TMEM132B: variants seen among roughly 807,000 people sequenced by gnomAD.
TMEM132B encodes transmembrane protein 132B.
A neutral mutation model predicts 90.8 loss-of-function variants in TMEM132B; 18 were observed. That is an observed-to-expected ratio of 0.20 (90% CI 0.14 to 0.29). TMEM132B has a LOEUF of 0.29. TMEM132B is among the 10% of genes least tolerant of loss of function. TMEM132B has a pLI of 1.00. For synonymous variants in TMEM132B, 504 were observed against 523.3 expected (o/e 0.96, Z 0.50); for missense variants, 1,096 against 1,326.8 (o/e 0.83, Z 2.70).
At chr12:125,534,120 G>T (rs1883728672) in intron 4 of TMEM132B, among the ~76,000 whole-genome samples, 1 of 152,138 alleles carries the variant, frequency 6.6e-6, no homozygotes, top group Non-Finnish European at 1.5e-5. Flanking sequence ...TAAGGGCTAG[G>T]TCCTTCCTTT....
intron 3 of TMEM132B, among the ~76,000 whole-genome samples, chr12:125,427,607 A>G (rs376267): frequency 0.99 from 150,222 of 152,342 alleles, 74,102 homozygotes; most frequent in Middle Eastern, 1. Context: ...ACTTTGGTAG[A>G]ATTTTGATAG....
chr12:125,268,610 A>AGT (rs1312218962), intron 1 of TMEM132B, among the ~76,000 whole-genome samples: 1 of 152,188 alleles, frequency 6.6e-6, no homozygotes, highest in Non-Finnish European at 1.5e-5. Flanking sequence ...AAAGTAATAT[A>AGT]GTGTGTGTGT....
chr12:125,505,193 A>AAAAAAAAAAAC (rs1566056628), intron 3 of TMEM132B, among the ~76,000 whole-genome samples: 1 of 145,332 alleles, frequency 6.9e-6, no homozygotes, highest in African/African-American at 2.7e-5. Context: ...AAAAAAAAAA[A>AAAAAAAAAAAC]AACAGTAAGT....
At chr12:125,262,245 CAAAAAA>C (rs11307058) in intron 1 of TMEM132B, among the ~76,000 whole-genome samples, 2 of 84,310 alleles carry the variant, frequency 2.4e-5, no homozygotes, top group African/African-American at 8.2e-5. Flanking sequence ...CCTGTTTCTA[CAAAAAA>C]AAAAAAAAAA....
chr12:125,428,487 T>G (rs2136393292), intron 3 of TMEM132B, among the ~76,000 whole-genome samples: 1 of 152,334 alleles, frequency 6.6e-6, no homozygotes, highest in African/African-American at 2.4e-5. Flanking sequence ...CATTATTATA[T>G]ATGTCATTAT....
intron 5 of TMEM132B, among the ~76,000 whole-genome samples, chr12:125,620,944 G>A (rs1317256681): frequency 6.6e-6 from 1 of 152,148 alleles, no homozygotes; most frequent in African/African-American, 2.4e-5. Context: ...GTTGAGATTT[G>A]GTTGGGGACA....
chr12:125,205,232 C>T (rs974523097), intron 1 of TMEM132B, among the ~76,000 whole-genome samples: 7 of 152,186 alleles, frequency 4.6e-5, no homozygotes, highest in African/African-American at 1.2e-4. Context: ...ATGAGGGCTC[C>T]GTGTGCCAGG....
intron 4 of TMEM132B, 118 bp from the exon 5 acceptor site, chr12:125,583,733 A>C: frequency 1.6e-6 from 2 of 1,239,980 alleles, no homozygotes; most frequent in Non-Finnish European, 2.3e-6. Context: ...CCCTTCAGAC[A>C]ACTGTCTAAA....
At chr12:125,505,765 G>C (rs1300371357) in intron 3 of TMEM132B, among the ~76,000 whole-genome samples, 1 of 151,992 alleles carries the variant, frequency 6.6e-6, no homozygotes, top group East Asian at 1.9e-4. Flanking sequence ...GAAAGAGTCA[G>C]TGAACTTTAA....
chr12:125,323,858 C>CA (rs1876492714), intron 1 of TMEM132B, among the ~76,000 whole-genome samples: 2 of 152,172 alleles, frequency 1.3e-5, no homozygotes. Context: ...GCCTACCTAC[C>CA]TCATAGAGTT....
chr12:125,449,789 G>A (rs555579215), intron 3 of TMEM132B, among the ~76,000 whole-genome samples: 1 of 151,972 alleles, frequency 6.6e-6, no homozygotes, highest in Non-Finnish European at 1.5e-5. Flanking sequence ...CAAAAATCCT[G>A]GTGTCCTTGT....
chr12:125,474,053 T>TTTC (rs1566046981), intron 3 of TMEM132B, among the ~76,000 whole-genome samples: 65 of 130,836 alleles, frequency 5.0e-4, no homozygotes, highest in African/African-American at 1.8e-3. Context: ...CTTCCTTCTT[T>TTTC]CTTTTTCCTT....
At chr12:125,336,289 T>C (rs368264370) in intron 1 of TMEM132B, among the ~76,000 whole-genome samples, 1 of 152,344 alleles carries the variant, frequency 6.6e-6, no homozygotes, top group East Asian at 1.9e-4. Context: ...CATGATGTAT[T>C]TGGGACTTAT....
intron 3 of TMEM132B, among the ~76,000 whole-genome samples, chr12:125,475,251 T>C (rs112309972): frequency 0.012 from 1,871 of 152,334 alleles, 17 homozygotes; most frequent in Middle Eastern, 0.045. Context: ...ATCATTAGCA[T>C]TGTTATTGTC....
intron 5 of TMEM132B, among the ~76,000 whole-genome samples, chr12:125,640,897 C>T (rs1025457178): frequency 1.1e-4 from 17 of 151,030 alleles, no homozygotes; most frequent in African/African-American, 2.2e-4. Flanking sequence ...ACTGAATTAG[C>T]GAGTACTGAA....
intron 5 of TMEM132B, among the ~76,000 whole-genome samples, chr12:125,599,124 C>A (rs925332703): frequency 2.0e-5 from 3 of 152,110 alleles, no homozygotes; most frequent in African/African-American, 7.2e-5. Flanking sequence ...ATAGGAGGGA[C>A]CTAGTGGGAG....
In TMEM132B at chr12:125,273,917, G is replaced by A. The variant is rs143209976; in HGVS notation, c.68-75535G>A. ...GACCTCAGGTGATCCACCCACCTTG[G>A]CCTCCCAAAGTGCTGGGATTAAAGG... On this transcript the variant is annotated intron_variant, in intron 1 of 8. Transcript: ENST00000682704. Among the ~76,000 whole-genome samples, 479 of 152,230 alleles carry A rather than the reference G, an allele frequency of 3.1e-3. 1 individual carries two copies. Among genetic ancestry groups the A allele is most frequent in the African/African-American group, 0.011 (465 of 41,538 alleles).
intron 5 of TMEM132B, among the ~76,000 whole-genome samples, chr12:125,641,322 A>G (rs1358439394): frequency 1.3e-5 from 2 of 152,240 alleles, no homozygotes; most frequent in African/African-American, 4.8e-5. Flanking sequence ...TTTAGGGAGT[A>G]GATGAGTTTG....
rs775378328 is a variant in TMEM132B, at chr12:125,583,875, A to G, written c.1318A>G (p.Ile440Val). The part of the protein sequence containing the change: ...AMDTEVLNTA[I>V]LTGKPVSVPV... The stretch of plus-strand genomic sequence containing the variant: ...GGACACCGAGGTTTTGAACACTGCC[A>G]TTCTCACTGGAAAGCCTGTTTCAGT... The change falls in exon 5 of 9, where the codon ATT becomes GTT. Residue 440 changes from isoleucine (I) to valine (V), a missense_variant. By Grantham distance (29) the Ile-to-Val change is conservative. Coordinates refer to ENST00000682704, the MANE Select transcript of TMEM132B (RefSeq NM_001366854.1). The G allele has an allele frequency of 9.3e-6, 15 of 1,614,112 alleles. No individual in the cohort carries two copies. The highest frequency in any genetic ancestry group is 5.0e-5 in the Admixed American group (3 of 60,018).
Sources: gnomAD v4.1 joint callset for allele counts (sites outside exome capture counted in the v4.1 genomes callset) on GRCh38, gnomAD v4.1.1 for gene constraint, MANE v1.5 for transcripts, NCBI Gene and HGNC (gene_info 2026-07-23, HGNC 2026-07-21) for gene names.